Variants in FAF1 observed in about 807,000 individuals in gnomAD.
The protein encoded by FAF1 is Fas associated factor 1.
A neutral mutation model predicts 92.5 loss-of-function variants in FAF1; 25 were observed. The ratio of observed to expected loss-of-function variants is 0.27; its 90% CI spans 0.20 to 0.38. FAF1 has a LOEUF of 0.38. Among genes scored for constraint, FAF1 ranks in the 10% least tolerant of loss-of-function variants. The pLI is 1.00. For missense variants in FAF1, 636 were observed against 793.3 expected, an observed-to-expected ratio of 0.80 and a Z score of 2.38; for synonymous variants, 234 against 273.2, an observed-to-expected ratio of 0.86 and a Z score of 1.42.
Position 50,878,102 on chromosome 1 carries a change from C to T in FAF1, c.46-20105G>A, listed in dbSNP as rs148820480. On this transcript the variant is annotated intron_variant, in intron 1 of 18. Coordinates refer to ENST00000396153, the MANE Select transcript of FAF1 (RefSeq NM_007051.3). ...ACATTTCTCTTTTTAATAAAACTAA[C>T]CTTCTCTTTGTTCTTCAGACATACA... Among the ~76,000 whole-genome samples, 969 of 152,314 alleles carry T rather than the reference C, an allele frequency of 6.4e-3. 4 individuals carry two copies. Among genetic ancestry groups the T allele is most frequent in the Middle Eastern group, 0.017 (5 of 294 alleles).
intron 18 of FAF1, among the ~76,000 whole-genome samples, chr1:50,455,841 GC>G (rs1288519876): frequency 6.6e-6 from 1 of 151,948 alleles, no homozygotes; most frequent in Non-Finnish European, 1.5e-5. Flanking sequence ...AATTTTGGGG[GC>G]CAGGTGCATC....
chr1:50,882,632 A>ATAAATAAATAAC (rs1304023057), intron 1 of FAF1, among the ~76,000 whole-genome samples: 2 of 151,096 alleles, frequency 1.3e-5, no homozygotes, highest in Non-Finnish European at 2.9e-5. Context: ...AAATAAATAA[A>ATAAATAAATAAC]TAAATAAATA....
chr1:50,690,726 A>T (rs1016581888), intron 7 of FAF1, among the ~76,000 whole-genome samples: 2 of 152,214 alleles, frequency 1.3e-5, no homozygotes, highest in Non-Finnish European at 2.9e-5. Flanking sequence ...AACAAAAACA[A>T]CAAAAATTCA....
chr1:50,959,952 G>T lies in FAF1; in HGVS notation c.-141C>A. ...CGGGCGAGCCGGCGGGCGGGTCGGC[G>T]GGCCAGCGGGCGGGGCAGCGCGGGA... On this transcript the variant is annotated 5_prime_UTR_variant, in exon 1 of 19. Coordinates refer to ENST00000396153, the MANE Select transcript of FAF1 (RefSeq NM_007051.3). The T allele has an allele frequency of 2.5e-6, 1 of 392,416 alleles. No homozygotes were observed. Among genetic ancestry groups the T allele is most frequent in the Non-Finnish European group, 4.1e-6 (1 of 245,310 alleles). 24.3% of individuals were successfully genotyped at this position (392,416 alleles called of 1,614,324 possible).
At chr1:50,534,523 C>T (rs1648363146) in intron 15 of FAF1, among the ~76,000 whole-genome samples, 1 of 152,088 alleles carries the variant, frequency 6.6e-6, no homozygotes, top group Non-Finnish European at 1.5e-5. Flanking sequence ...ATCGACCTAC[C>T]TCAGCCTCCC....
Position 50,959,602 on chromosome 1 carries a change from T to C in FAF1, c.45+165A>G, listed in dbSNP as rs1645298651. On this transcript the variant is annotated intron_variant, in intron 1 of 18. Coordinates refer to ENST00000396153, the MANE Select transcript of FAF1 (RefSeq NM_007051.3). ...CACACTCATGATAGCATATAAATTATACGCTTCTCCATAGCTCGCCACACA... is the reference window on the plus strand; with the variant it reads ...CACACTCATGATAGCATATAAATTACACGCTTCTCCATAGCTCGCCACACA... 8.5e-6 allele frequency: 4 copies of C among 471,306 alleles called. No individual in the cohort carries two copies. Among genetic ancestry groups the C allele is most frequent in the Non-Finnish European group, 1.6e-5 (4 of 252,562 alleles). The allele number at this position is 471,306 out of a possible 1,614,324, so 29.2% of individuals were successfully genotyped here.
intron 2 of FAF1, among the ~76,000 whole-genome samples, chr1:50,831,673 A>G (rs1644154016): frequency 6.6e-6 from 1 of 152,170 alleles, no homozygotes; most frequent in South Asian, 2.1e-4. Flanking sequence ...TAAAAAATTC[A>G]TGTCTTTTTC....
chr1:50,859,891 A>G (rs1032278936), intron 1 of FAF1, among the ~76,000 whole-genome samples: 1 of 152,158 alleles, frequency 6.6e-6, no homozygotes, highest in South Asian at 2.1e-4. Flanking sequence ...AATCGATACA[A>G]AAACAGACAT....
At chr1:50,871,094 AC>A (rs954963420) in intron 1 of FAF1, among the ~76,000 whole-genome samples, 1 of 152,238 alleles carries the variant, frequency 6.6e-6, no homozygotes. Flanking sequence ...ACCAGTCGAA[AC>A]TTTTGCTTAA....
At chr1:50,899,832 T>C (rs1467285664) in intron 1 of FAF1, among the ~76,000 whole-genome samples, 1 of 152,202 alleles carries the variant, frequency 6.6e-6, no homozygotes, top group Non-Finnish European at 1.5e-5. Context: ...TTTTGTTAGG[T>C]ACCACCAGAG....
At chr1:50,835,844 T>C (rs1010534641) in intron 2 of FAF1, among the ~76,000 whole-genome samples, 6 of 152,076 alleles carry the variant, frequency 3.9e-5, no homozygotes, top group African/African-American at 1.4e-4. Flanking sequence ...ACTGGTCTAT[T>C]TGGGTAGATC....
chr1:50,858,338 C>G (rs989283774), intron 1 of FAF1, among the ~76,000 whole-genome samples: 1 of 151,774 alleles, frequency 6.6e-6, no homozygotes, highest in African/African-American at 2.4e-5. Flanking sequence ...AAATGAATTT[C>G]AACCCATACC....
rs1348714446 is a variant in FAF1 at position 50,438,793 on chromosome 1, CTCT to C, written c.*2644_*2646del. 6.6e-6 allele frequency: 1 copy of C among 152,200 alleles called. No individual in the cohort carries two copies. The highest frequency in any genetic ancestry group is 1.5e-5 in the Non-Finnish European group (1 of 68,054). 9.4% of individuals were successfully genotyped at this position (152,200 alleles called of 1,614,324 possible). A position where few individuals can be genotyped will look rare whatever the true frequency, so the allele number is the denominator to read the frequency against. ...AATCTATAAAAGCATAAATCTTACTCTCTTATGTTAAAAAGGTAGATTCCATAA... is the reference window on the plus strand; with the variant it reads ...AATCTATAAAAGCATAAATCTTACTCTATGTTAAAAAGGTAGATTCCATAA... On this transcript the variant is annotated 3_prime_UTR_variant, in exon 19 of 19. Coordinates refer to ENST00000396153, the MANE Select transcript of FAF1 (RefSeq NM_007051.3).
At chr1:50,803,334 T>A (rs1287990143) in intron 2 of FAF1, among the ~76,000 whole-genome samples, 1 of 152,154 alleles carries the variant, frequency 6.6e-6, no homozygotes, top group Non-Finnish European at 1.5e-5. Flanking sequence ...TGCCAAAGTA[T>A]AATGGGAAGA....
intron 8 of FAF1, among the ~76,000 whole-genome samples, chr1:50,627,591 G>A (rs886465760): frequency 6.6e-6 from 1 of 151,452 alleles, no homozygotes; most frequent in Non-Finnish European, 1.5e-5. Context: ...GAAGAAAGGA[G>A]GGAGTGAAAG....
chr1:50,731,919 C>G (rs1658940755), intron 6 of FAF1, among the ~76,000 whole-genome samples: 1 of 151,910 alleles, frequency 6.6e-6, no homozygotes, highest in African/African-American at 2.4e-5. Flanking sequence ...GCATAATGAC[C>G]AGACAATGCA....
intron 4 of FAF1, among the ~76,000 whole-genome samples, chr1:50,768,922 G>A (rs975129763): frequency 2.5e-4 from 38 of 151,918 alleles, no homozygotes; most frequent in African/African-American, 8.0e-4. Flanking sequence ...GTTAGGAGAA[G>A]ACAAGAAATA....
At chr1:50,613,246 C>T (rs1652759538) in intron 8 of FAF1, among the ~76,000 whole-genome samples, 1 of 152,072 alleles carries the variant, frequency 6.6e-6, no homozygotes, top group Admixed American at 6.6e-5. Flanking sequence ...GACATCTGGG[C>T]CTCAGTGAAA....
At chr1:50,928,574 G>A (rs985078596) in intron 1 of FAF1, among the ~76,000 whole-genome samples, 12 of 150,002 alleles carry the variant, frequency 8.0e-5, no homozygotes, top group African/African-American at 2.7e-4. Flanking sequence ...ACAAGGTCAA[G>A]AGTTCGAGAC....
Sources: gnomAD v4.1 joint callset for allele counts (sites outside exome capture counted in the v4.1 genomes callset) on GRCh38, gnomAD v4.1.1 for gene constraint, MANE v1.5 for transcripts, NCBI Gene and HGNC (gene_info 2026-07-23, HGNC 2026-07-21) for gene names.